The following FGD4 variants were observed in gnomAD, a reference collection of about 807,000 sequenced individuals.
FGD4 encodes the protein FYVE, RhoGEF and PH domain containing 4, also known as FYVE, RhoGEF and PH domain-containing protein 4.
FGD4 carries 42 observed loss-of-function variants against 102.0 expected under a neutral mutation model. The ratio of observed to expected loss-of-function variants is 0.41; its 90% CI spans 0.32 to 0.53. The LOEUF (loss-of-function observed/expected upper bound fraction) is 0.53, where lower values mean the gene tolerates loss of function less well. FGD4 is among the 20% of genes least tolerant of loss of function. The pLI, the probability that FGD4 is intolerant of heterozygous loss-of-function variation, is 0.21. For missense variants in FGD4, 902 were observed against 1,078.2 expected (o/e 0.84, Z 2.29); for synonymous variants, 380 against 375.7 (o/e 1.01, Z -0.13).
At chr12:32,612,479 G>T (rs1304013006) in intron 10 of FGD4, among the ~76,000 whole-genome samples, 3 of 152,238 alleles carry the variant, frequency 2.0e-5, no homozygotes, top group African/African-American at 7.2e-5. Flanking sequence ...AAGGTGTCCA[G>T]CTGACAAAGC....
At chr12:32,420,167 C>G (rs1766372753) in intron 1 of FGD4, among the ~76,000 whole-genome samples, 1 of 152,114 alleles carries the variant, frequency 6.6e-6, no homozygotes. Context: ...CTTGCTCTGC[C>G]CCTGTGGCTG....
rs144564144 is a variant in FGD4, at chr12:32,562,171, G to A, written c.167-1966G>A. Among the ~76,000 whole-genome samples the A allele has an allele frequency of 4.3e-3, 662 of 152,244 alleles. 6 individuals carry two copies. Among genetic ancestry groups the A allele is most frequent in the Middle Eastern group, 0.02 (6 of 294 alleles). ...GGAAGGCTTTTAACGGATTAATTCC[G>A]TCCTTTCCTTCGCCTACATTGTAGC... On this transcript the variant is annotated intron_variant, in intron 1 of 16. Transcript: ENST00000534526.
chr12:32,520,152 T>C (rs1940348875), intron 1 of FGD4, among the ~76,000 whole-genome samples: 1 of 152,174 alleles, frequency 6.6e-6, no homozygotes, highest in Admixed American at 6.5e-5. Context: ...ACTTCTTCCC[T>C]TTAGGACGAT....
intron 1 of FGD4, among the ~76,000 whole-genome samples, chr12:32,509,163 C>A (rs148944411): frequency 1.2e-4 from 18 of 151,790 alleles, no homozygotes; most frequent in Non-Finnish European, 2.5e-4. Flanking sequence ...TTTCCAAGTT[C>A]ACCAACATTA....
At chr12:32,543,406 A>T (rs895950759) in intron 1 of FGD4, among the ~76,000 whole-genome samples, 2 of 151,076 alleles carry the variant, frequency 1.3e-5, no homozygotes, top group Non-Finnish European at 2.9e-5. Context: ...GTCTCCAGGC[A>T]CTCTCCCTCT....
chr12:32,579,661 A>T (rs1243492531), intron 3 of FGD4: 2 of 152,244 alleles, frequency 1.3e-5, no homozygotes, highest in African/African-American at 4.8e-5. Context: ...GAAGGAGGAC[A>T]GTTTGATTCA....
At chr12:32,533,824 A>G (rs1942012736) in intron 1 of FGD4, among the ~76,000 whole-genome samples, 1 of 152,256 alleles carries the variant, frequency 6.6e-6, no homozygotes, top group African/African-American at 2.4e-5. Flanking sequence ...CAGTTAAACT[A>G]TGTTTTGAAA....
In FGD4 at chr12:32,602,335, T is replaced by A; in HGVS notation, c.1404+18T>A. 6.2e-7 allele frequency: 1 copy of A among 1,613,624 alleles called. No homozygotes were observed. Among genetic ancestry groups the A allele is most frequent in the Non-Finnish European group, 8.5e-7 (1 of 1,179,596 alleles). On this transcript the variant is annotated intron_variant, in intron 7 of 16. Transcript: ENST00000534526. Reference sequence around the variant, plus strand: ...AAATTCAGGTAATAGGACTGTTTTGTTCAAAGCTATGAATTACTATTTCCA... The same window carrying A: ...AAATTCAGGTAATAGGACTGTTTTGATCAAAGCTATGAATTACTATTTCCA...
chr12:32,533,629 T>A (rs1356092649), intron 1 of FGD4, among the ~76,000 whole-genome samples: 2 of 152,200 alleles, frequency 1.3e-5, no homozygotes, highest in African/African-American at 4.8e-5. Context: ...TTCACCATGT[T>A]GGCCAGGCTG....
At chr12:32,624,400 C>T in intron 11 of FGD4, 22 bp from the exon 12 acceptor site, 1 of 1,556,690 alleles carries the variant, frequency 6.4e-7, no homozygotes, top group South Asian at 1.1e-5. Context: ...TTTACATTCA[C>T]TTTAATTTTG....
chr12:32,639,704 A>G (rs1951056930), intron 16 of FGD4, among the ~76,000 whole-genome samples: 1 of 152,152 alleles, frequency 6.6e-6, no homozygotes, highest in African/African-American at 2.4e-5. Flanking sequence ...CAAATGTACA[A>G]CACTTAAACC....
chr12:32,430,994 A>G (rs1229186509), intron 1 of FGD4, among the ~76,000 whole-genome samples: 4 of 152,220 alleles, frequency 2.6e-5, no homozygotes, highest in African/African-American at 7.2e-5. Flanking sequence ...TTGGTGCCCA[A>G]TCTAAGCTGA....
chr12:32,444,862 A>C (rs1942566118), intron 1 of FGD4, among the ~76,000 whole-genome samples: 1 of 152,170 alleles, frequency 6.6e-6, no homozygotes, highest in African/African-American at 2.4e-5. Context: ...CCAAATTTGT[A>C]ATAATGTAAA....
At chr12:32,433,788 A>G (rs969451796) in intron 1 of FGD4, among the ~76,000 whole-genome samples, 1 of 152,176 alleles carries the variant, frequency 6.6e-6, no homozygotes, top group Non-Finnish European at 1.5e-5. Context: ...ATGGGATGCA[A>G]TGAAACATCC....
chr12:32,580,383 G>T (rs1275111880), intron 3 of FGD4, among the ~76,000 whole-genome samples: 1 of 152,100 alleles, frequency 6.6e-6, no homozygotes, highest in Non-Finnish European at 1.5e-5. Flanking sequence ...CATTATCATG[G>T]TTATTCAAAG....
chr12:32,638,395 A>G (rs966442874), intron 15 of FGD4, among the ~76,000 whole-genome samples: 4 of 152,230 alleles, frequency 2.6e-5, no homozygotes, highest in African/African-American at 9.6e-5. Context: ...AAATGAAATA[A>G]GACATGTATT....
At chr12:32,517,442 T>A (rs1355892260) in intron 1 of FGD4, among the ~76,000 whole-genome samples, 1 of 152,194 alleles carries the variant, frequency 6.6e-6, no homozygotes, top group Non-Finnish European at 1.5e-5. Context: ...GGAGATTAAT[T>A]TTTTACACAT....
In FGD4 at chr12:32,633,574, A is replaced by G; in HGVS notation, c.2198A>G (p.Tyr733Cys). ...GYVVCWKCSD[Y>C]KAQLEYDGGK... ...GTGGTTTGTTGGAAATGCTCCGACT[A>G]CAAAGCTCAACTTGAATATGATGGT... The change falls in exon 15 of 17, where the codon TAC becomes TGC. Residue 733 changes from tyrosine to cysteine, a missense_variant. Transcript: ENST00000534526. 6.2e-7 allele frequency: 1 copy of G among 1,613,910 alleles called. No individual in the cohort carries two copies. The highest frequency in any genetic ancestry group is 1.1e-5 in the South Asian group (1 of 91,072).
chr12:32,628,934 C>G (rs1289794297), intron 14 of FGD4, among the ~76,000 whole-genome samples: 2 of 152,106 alleles, frequency 1.3e-5, no homozygotes, highest in African/African-American at 4.8e-5. Flanking sequence ...GGGTAGGCAC[C>G]CAGACCTATT....
Sources: gnomAD v4.1 joint callset for allele counts (sites outside exome capture counted in the v4.1 genomes callset) on GRCh38, gnomAD v4.1.1 for gene constraint, MANE v1.5 for transcripts, NCBI Gene and HGNC (gene_info 2026-07-23, HGNC 2026-07-21) for gene names.